Variants in IGF1R observed in about 807,000 individuals in gnomAD.
IGF1R encodes insulin like growth factor 1 receptor, also known as insulin-like growth factor 1 receptor.
A neutral mutation model predicts 144.6 loss-of-function variants in IGF1R; 44 were observed. The ratio of observed to expected loss-of-function variants is 0.30; its 90% CI spans 0.24 to 0.39. The LOEUF (loss-of-function observed/expected upper bound fraction) is 0.39, where lower values mean the gene tolerates loss of function less well. Ranked by LOEUF, IGF1R falls within the 10% of genes least tolerant of loss-of-function variation. The probability of loss-of-function intolerance (pLI) is 1.00; values close to 1 mark genes in which losing one functional copy is unlikely to be tolerated. For synonymous variants in IGF1R, 795 were observed against 722.8 expected (o/e 1.10, Z -1.60); for missense variants, 1,355 against 1,833.7 (o/e 0.74, Z 4.77).
chr15:98,753,396 T>G (rs2055069495), intron 2 of IGF1R, among the ~76,000 whole-genome samples: 1 of 143,672 alleles, frequency 7.0e-6, no homozygotes, highest in South Asian at 2.3e-4. Flanking sequence ...TTTTTTTTTT[T>G]TTTTTTTTGT....
At chr15:98,746,998 C>T (rs2141325634) in intron 2 of IGF1R, among the ~76,000 whole-genome samples, 1 of 152,270 alleles carries the variant, frequency 6.6e-6, no homozygotes, top group East Asian at 1.9e-4. Context: ...TCGTAATTCA[C>T]CAGGTGCGTG....
At chr15:98,800,450 C>G (rs1330677838) in intron 2 of IGF1R, among the ~76,000 whole-genome samples, 1 of 152,026 alleles carries the variant, frequency 6.6e-6, no homozygotes, top group Non-Finnish European at 1.5e-5. Context: ...ATTTGGCAAT[C>G]TTTAATTAAC....
intron 1 of IGF1R, among the ~76,000 whole-genome samples, chr15:98,692,975 T>C (rs2053512767): frequency 6.6e-6 from 1 of 152,202 alleles, no homozygotes; most frequent in Non-Finnish European, 1.5e-5. Flanking sequence ...GATTGCATTT[T>C]GCCAAGGCTT....
At chr15:98,703,047 C>A (rs550551778) in intron 1 of IGF1R, among the ~76,000 whole-genome samples, 1 of 152,262 alleles carries the variant, frequency 6.6e-6, no homozygotes, top group South Asian at 2.1e-4. Flanking sequence ...CCAGCACCCC[C>A]ATCTGTTTTG....
At position 98,930,316 on chromosome 15, in the gene IGF1R, G is replaced by T; in HGVS notation, c.2956+11G>T. 1 of 1,604,028 alleles carries T rather than the reference G, an allele frequency of 6.2e-7. No individual in the cohort carries two copies. Among genetic ancestry groups the T allele is most frequent in the East Asian group, 2.2e-5 (1 of 44,820 alleles). On this transcript the variant is annotated intron_variant, in intron 15 of 20. Transcript: ENST00000650285. ...TCAGCGCTGCTGATGGTAAGAGTCCGGGCCACCAGCACTGCCAGCGTGCAG... is the reference window on the plus strand; with the variant it reads ...TCAGCGCTGCTGATGGTAAGAGTCCTGGCCACCAGCACTGCCAGCGTGCAG...
intron 3 of IGF1R, among the ~76,000 whole-genome samples, chr15:98,894,987 C>G (rs1307765281): frequency 6.8e-6 from 1 of 148,038 alleles, no homozygotes; most frequent in Non-Finnish European, 1.5e-5. Flanking sequence ...TGCCGCTGCA[C>G]TGTAGCCTGG....
intron 2 of IGF1R, among the ~76,000 whole-genome samples, chr15:98,877,529 T>A (rs999817520): frequency 7.0e-6 from 1 of 143,236 alleles, no homozygotes; most frequent in Middle Eastern, 3.5e-3. Flanking sequence ...AAAAATTTGC[T>A]ACTCTTGAGG....
chr15:98,658,251 T>C (rs975308151), intron 1 of IGF1R, among the ~76,000 whole-genome samples: 1 of 152,242 alleles, frequency 6.6e-6, no homozygotes, highest in Non-Finnish European at 1.5e-5. Context: ...ACTACTCTGC[T>C]ACTTCTCCTT....
intron 2 of IGF1R, among the ~76,000 whole-genome samples, chr15:98,729,013 G>A (rs28514940): frequency 0.013 from 1,904 of 152,320 alleles, 45 homozygotes; most frequent in African/African-American, 0.044. Context: ...TTAGTCCAGG[G>A]CCAGACATGG....
rs116697564 is a variant in IGF1R, at chr15:98,903,013, G to A, written c.1247+3392G>A. ...CGGCGTGAGCTGATTTTGTAACCCA[G>A]TTACAAAAGCCATAGCCATGGTTTC... On this transcript the variant is annotated intron_variant, in intron 5 of 20. Transcript: ENST00000650285. Among the ~76,000 whole-genome samples, 1,245 of 152,210 alleles carry A rather than the reference G, an allele frequency of 8.2e-3. 14 individuals are homozygous for A. Among genetic ancestry groups the A allele is most frequent in the African/African-American group, 0.029 (1,199 of 41,514 alleles).
At chr15:98,894,640 A>T (rs1396747696) in intron 3 of IGF1R, among the ~76,000 whole-genome samples, 1 of 152,248 alleles carries the variant, frequency 6.6e-6, no homozygotes. Context: ...ACGGCGGCTC[A>T]CGCCTGTGAT....
chr15:98,886,693 C>G (rs1430066622), intron 2 of IGF1R, among the ~76,000 whole-genome samples: 2 of 152,144 alleles, frequency 1.3e-5, no homozygotes. Context: ...CATGGAACAG[C>G]CATCCATCTG....
intron 2 of IGF1R, among the ~76,000 whole-genome samples, chr15:98,742,399 G>A (rs910446580): frequency 2.0e-5 from 3 of 152,182 alleles, no homozygotes; most frequent in Non-Finnish European, 4.4e-5. Flanking sequence ...GGCTTGGTCT[G>A]CCTGAGGTGT....
chr15:98,859,594 A>G (rs959328636), intron 2 of IGF1R, among the ~76,000 whole-genome samples: 6 of 152,212 alleles, frequency 3.9e-5, no homozygotes, highest in Non-Finnish European at 8.8e-5. Flanking sequence ...ACTTTACTGT[A>G]TCTGGGTTTT....
intron 5 of IGF1R, among the ~76,000 whole-genome samples, chr15:98,902,470 T>G (rs1384982975): frequency 6.9e-6 from 1 of 144,034 alleles, no homozygotes; most frequent in Non-Finnish European, 1.5e-5. Context: ...CAGGCTGGAG[T>G]GTAGTGGCGC....
rs894907332 is a variant in IGF1R at position 98,947,241 on chromosome 15, A to G, written c.3588-1333A>G. Among the ~76,000 whole-genome samples the G allele has an allele frequency of 3.9e-5, 6 of 152,330 alleles. No individual in the cohort carries two copies. In the South Asian group the frequency reaches 6.2e-4, roughly 16 times the overall value. On this transcript the variant is annotated intron_variant, in intron 19 of 20. Coordinates refer to ENST00000650285, the MANE Select transcript of IGF1R (RefSeq NM_000875.5). ...TCTGTCCTCTGATTGCTAAGATTCT[A>G]TTTCTGTCTAACATCTACTTTTAGT...
chr15:98,956,996 C>A, intron 20 of IGF1R, 65 bp from the exon 21 acceptor site: 8 of 1,585,474 alleles, frequency 5.0e-6, no homozygotes, highest in Non-Finnish European at 6.1e-6. Flanking sequence ...GCAGGCGGCC[C>A]ATGAAGCCTC....
chr15:98,743,536 A>G (rs2054795719), intron 2 of IGF1R, among the ~76,000 whole-genome samples: 2 of 152,204 alleles, frequency 1.3e-5, no homozygotes, highest in Non-Finnish European at 2.9e-5. Flanking sequence ...CAAAGGCCAG[A>G]CATGATGCCA....
intron 1 of IGF1R, among the ~76,000 whole-genome samples, chr15:98,689,293 C>T (rs1413515820): frequency 5.1e-5 from 7 of 138,248 alleles, no homozygotes; most frequent in Non-Finnish European, 3.0e-5. Flanking sequence ...GGCTGGGGTG[C>T]AGTGGCGTGA....
Sources: allele counts gnomAD v4.1 joint callset (sites outside exome capture counted in the v4.1 genomes callset), GRCh38; gene constraint gnomAD v4.1.1; transcripts MANE v1.5; gene names NCBI Gene and HGNC (gene_info 2026-07-23, HGNC 2026-07-21).